CSMD1: variants seen among roughly 807,000 people sequenced by gnomAD.
CSMD1 encodes the protein CUB and Sushi multiple domains 1.
Under a neutral mutation model 417.5 loss-of-function variants are expected in CSMD1, and 213 were observed. The ratio of observed to expected loss-of-function variants is 0.51; its 90% CI spans 0.46 to 0.57. The LOEUF is 0.57. CSMD1 is among the 20% of genes least tolerant of loss of function. The pLI is 0.00. For missense variants in CSMD1, 6,923 were observed against 4,529.7 expected (o/e 1.53, Z -15.17); for synonymous variants, 2,862 against 1,736.8 (o/e 1.65, Z -16.11).
At chr8:4,755,952 T>C (rs1246418994) in intron 1 of CSMD1, among the ~76,000 whole-genome samples, 1 of 152,218 alleles carries the variant, frequency 6.6e-6, no homozygotes, top group Admixed American at 6.5e-5. Flanking sequence ...ACTGGTTTCA[T>C]TGTATTATTA....
At chr8:3,467,355 C>G (rs529051204) in intron 12 of CSMD1, among the ~76,000 whole-genome samples, 2 of 152,258 alleles carry the variant, frequency 1.3e-5, no homozygotes, top group East Asian at 3.9e-4. Context: ...TCAGATTCTA[C>G]CAAAGGCAGC....
At position 4,920,150 on chromosome 8, in the gene CSMD1, A is replaced by G. The variant is rs377269540; in HGVS notation, c.85+74182T>C. 2.0e-5 allele frequency among the ~76,000 whole-genome samples: 3 copies of G among 152,144 alleles called. No homozygotes were observed. The East Asian group carries it at 5.8e-4, about 29-fold the overall frequency. Reference sequence around the variant, plus strand: ...TGAAAATTCCTACCTTGTATATATAATATTTGTAATGTTGAGTCAATGCCT... The same window carrying G: ...TGAAAATTCCTACCTTGTATATATAGTATTTGTAATGTTGAGTCAATGCCT... On this transcript the variant is annotated intron_variant, in intron 1 of 69. Transcript: ENST00000635120.
At chr8:3,050,227 C>A (rs377521359) in intron 50 of CSMD1, among the ~76,000 whole-genome samples, 1 of 151,548 alleles carries the variant, frequency 6.6e-6, no homozygotes, top group Non-Finnish European at 1.5e-5. Context: ...CAGTGCATAC[C>A]CAGTAGAGAA....
At chr8:3,657,169 A>C (rs993337201) in intron 7 of CSMD1, among the ~76,000 whole-genome samples, 1 of 152,198 alleles carries the variant, frequency 6.6e-6, no homozygotes, top group African/African-American at 2.4e-5. Context: ...GTAAATTTAC[A>C]TCCTACAGGA....
At chr8:3,875,737 C>A (rs1033503479) in intron 5 of CSMD1, among the ~76,000 whole-genome samples, 2 of 152,098 alleles carry the variant, frequency 1.3e-5, no homozygotes, top group African/African-American at 4.8e-5. Context: ...GAAAGAAAGG[C>A]AGTCAAAGAA....
chr8:3,022,593 C>T (rs1809533287), intron 51 of CSMD1, among the ~76,000 whole-genome samples: 1 of 151,838 alleles, frequency 6.6e-6, no homozygotes, highest in Admixed American at 6.6e-5. Flanking sequence ...GTAAGGACAG[C>T]ACTCCTATCA....
chr8:3,359,723 T>A (rs1319827354), intron 20 of CSMD1, among the ~76,000 whole-genome samples: 1 of 152,090 alleles, frequency 6.6e-6, no homozygotes, highest in Non-Finnish European at 1.5e-5. Flanking sequence ...CAGTGTACAT[T>A]TCAAAATAGC....
intron 2 of CSMD1, among the ~76,000 whole-genome samples, chr8:4,632,581 T>C (rs1585363059): frequency 6.6e-6 from 1 of 152,094 alleles, no homozygotes; most frequent in Admixed American, 6.6e-5. Context: ...TCAGGGCACA[T>C]TTCTTAGCCT....
intron 46 of CSMD1, among the ~76,000 whole-genome samples, chr8:3,100,305 C>T (rs1274227479): frequency 1.3e-5 from 2 of 152,184 alleles, no homozygotes; most frequent in Non-Finnish European, 2.9e-5. Context: ...CCTTCCACCT[C>T]AACCTCCACC....
chr8:3,753,576 T>C (rs1368270880), intron 6 of CSMD1, among the ~76,000 whole-genome samples: 1 of 152,340 alleles, frequency 6.6e-6, no homozygotes, highest in South Asian at 2.1e-4. Context: ...ATGCAACCTA[T>C]ATGCTATAGC....
intron 2 of CSMD1, among the ~76,000 whole-genome samples, chr8:4,563,496 T>C (rs944835115): frequency 6.6e-6 from 1 of 152,226 alleles, no homozygotes; most frequent in African/African-American, 2.4e-5. Flanking sequence ...TCAGTATTCC[T>C]GTGCCGGCTA....
intron 6 of CSMD1, among the ~76,000 whole-genome samples, chr8:3,736,569 T>C (rs1264897495): frequency 6.6e-6 from 1 of 152,202 alleles, no homozygotes; most frequent in Non-Finnish European, 1.5e-5. Context: ...GTCTACCACC[T>C]GCCTCACCAT....
rs142703338 is a variant in CSMD1, at chr8:4,062,971, G to A, written c.416-30872C>T. On this transcript the variant is annotated intron_variant, in intron 3 of 69. Transcript: ENST00000635120. ...TGTTAACAACATCATCCAGATAAAGGAATAAGGAAATAGGTAATCCAGACA... is the reference window on the plus strand; with the variant it reads ...TGTTAACAACATCATCCAGATAAAGAAATAAGGAAATAGGTAATCCAGACA... Among the ~76,000 whole-genome samples the A allele has an allele frequency of 3.9e-5, 6 of 152,066 alleles. No individual in the cohort carries two copies. The East Asian group carries it at 1.2e-3, about 29-fold the overall frequency.
chr8:3,399,332 T>G, intron 16 of CSMD1, 59 bp downstream of exon 16: 4 of 1,467,570 alleles, frequency 2.7e-6, no homozygotes, highest in Non-Finnish European at 3.7e-6. Context: ...ATCCATTTAC[T>G]AAAACTATGG....
intron 5 of CSMD1, among the ~76,000 whole-genome samples, chr8:3,804,299 AT>A (rs895372856): frequency 1.3e-5 from 2 of 152,126 alleles, no homozygotes; most frequent in East Asian, 1.9e-4. Flanking sequence ...AAAATAAATA[AT>A]TTTTTTTGTG....
At chr8:3,213,757 A>T (rs1475485638) in intron 30 of CSMD1, among the ~76,000 whole-genome samples, 1 of 150,734 alleles carries the variant, frequency 6.6e-6, no homozygotes, top group Non-Finnish European at 1.5e-5. Context: ...ATGTGTGTGT[A>T]TGTATATATA....
At chr8:4,275,215 T>A (rs1373630066) in intron 3 of CSMD1, among the ~76,000 whole-genome samples, 2 of 152,170 alleles carry the variant, frequency 1.3e-5, no homozygotes, top group Non-Finnish European at 2.9e-5. Context: ...TATTGTCTAG[T>A]TTGTTTTTAT....
chr8:3,476,638 C>T (rs1276070145), intron 11 of CSMD1, among the ~76,000 whole-genome samples: 1 of 151,990 alleles, frequency 6.6e-6, no homozygotes, highest in Non-Finnish European at 1.5e-5. Context: ...ATGAATCAGC[C>T]AGGCTTGGTG....
intron 37 of CSMD1, among the ~76,000 whole-genome samples, chr8:3,163,944 T>C (rs1255802945): frequency 6.6e-6 from 1 of 152,152 alleles, no homozygotes; most frequent in African/African-American, 2.4e-5. Context: ...ATGAGCCTGA[T>C]CTCTCATGCG....
Sources: gnomAD v4.1 joint callset for allele counts (sites outside exome capture counted in the v4.1 genomes callset) on GRCh38, gnomAD v4.1.1 for gene constraint, MANE v1.5 for transcripts, NCBI Gene and HGNC (gene_info 2026-07-23, HGNC 2026-07-21) for gene names.